The following SMAD3 variants were observed in gnomAD, a reference collection of about 807,000 sequenced individuals.
SMAD3 encodes MAD homolog 3.
In SMAD3, 12 loss-of-function variants were observed where a neutral mutation model predicts 51.8. The observed-to-expected ratio is 0.23, with a 90% CI of 0.15 to 0.38. The LOEUF (loss-of-function observed/expected upper bound fraction) is 0.38, where lower values mean the gene tolerates loss of function less well. SMAD3 is among the 10% of genes least tolerant of loss of function. SMAD3 has a pLI of 1.00. For synonymous variants in SMAD3, 238 were observed against 227.7 expected (o/e 1.05, Z -0.41); for missense variants, 294 against 565.6 (o/e 0.52, Z 4.87).
chr15:67,116,927 C>T (rs1961148080), intron 1 of SMAD3, among the ~76,000 whole-genome samples: 1 of 152,106 alleles, frequency 6.6e-6, no homozygotes, highest in South Asian at 2.1e-4. Context: ...CAGATAAATG[C>T]AATGTTTATC....
intron 1 of SMAD3, among the ~76,000 whole-genome samples, chr15:67,152,942 C>CA (rs373909251): frequency 8.5e-5 from 13 of 152,298 alleles, no homozygotes; most frequent in African/African-American, 2.9e-4. Context: ...GAGGGGCTCT[C>CA]ACCACAGCCA....
At chr15:67,155,487 A>G (rs749747467) in intron 1 of SMAD3, among the ~76,000 whole-genome samples, 16 of 152,346 alleles carry the variant, frequency 1.1e-4, no homozygotes, top group Non-Finnish European at 2.2e-4. Context: ...AGCAGCAGAA[A>G]GAGAGCTCTC....
intron 1 of SMAD3, among the ~76,000 whole-genome samples, chr15:67,149,100 A>G (rs1243302550): frequency 6.6e-6 from 1 of 152,206 alleles, no homozygotes; most frequent in Non-Finnish European, 1.5e-5. Context: ...CATTCTTAGC[A>G]GAGAGCCACA....
At chr15:67,107,965 T>TCCCCCCCCCCCCCCCCCCCCCCC (rs138958033) in intron 1 of SMAD3, among the ~76,000 whole-genome samples, 16 of 124,718 alleles carry the variant, frequency 1.3e-4, no homozygotes, top group Admixed American at 8.3e-4. Flanking sequence ...TGCTCTCCTC[T>TCCCCCCCCCCCCCCCCCCCCCCC]CCCCCCCACC....
intron 1 of SMAD3, among the ~76,000 whole-genome samples, chr15:67,124,567 C>T (rs999085919): frequency 2.6e-5 from 4 of 152,170 alleles, no homozygotes; most frequent in Admixed American, 2.6e-4. Flanking sequence ...TTTTGGTTGT[C>T]CTTTGGTGAA....
chr15:67,107,575 G>C (rs115729362), intron 1 of SMAD3, among the ~76,000 whole-genome samples: 1 of 152,144 alleles, frequency 6.6e-6, no homozygotes, highest in Non-Finnish European at 1.5e-5. Context: ...GGCTTCCCCC[G>C]GCCCTTCCCG....
chr15:67,153,783 GA>G (rs1962211656), intron 1 of SMAD3, among the ~76,000 whole-genome samples: 1 of 152,194 alleles, frequency 6.6e-6, no homozygotes, highest in Non-Finnish European at 1.5e-5. Context: ...CCAACGTTGA[GA>G]AACTCTGGGC....
chr15:67,086,369 A>G (rs1960394085), intron 1 of SMAD3, among the ~76,000 whole-genome samples: 2 of 152,184 alleles, frequency 1.3e-5, no homozygotes, highest in South Asian at 4.1e-4. Context: ...CTTGAAGGGA[A>G]TCAGTATCTA....
At chr15:67,182,995 AAAAAAAT>A (rs1446655390) in intron 6 of SMAD3, among the ~76,000 whole-genome samples, 12 of 57,422 alleles carry the variant, frequency 2.1e-4, no homozygotes, top group East Asian at 1.1e-3. Context: ...TTAAAAAAAA[AAAAAAAT>A]ATATATATAT....
At chr15:67,066,614 C>T (rs751764345) in intron 1 of SMAD3, among the ~76,000 whole-genome samples, 58 of 152,362 alleles carry the variant, frequency 3.8e-4, no homozygotes, top group Middle Eastern at 3.4e-3. Flanking sequence ...ACCTCACATT[C>T]CCTTTCCACC....
intron 1 of SMAD3, among the ~76,000 whole-genome samples, chr15:67,071,894 C>T (rs1301416192): frequency 1.3e-5 from 2 of 152,174 alleles, no homozygotes; most frequent in African/African-American, 4.8e-5. Context: ...GACCTAGCTT[C>T]TCATTTCTCT....
chr15:67,118,959 G>A (rs534886336), intron 1 of SMAD3, among the ~76,000 whole-genome samples: 29 of 152,296 alleles, frequency 1.9e-4, no homozygotes, highest in African/African-American at 6.3e-4. Flanking sequence ...AAACATTTAC[G>A]GAGCACCTAT....
At chr15:67,169,132 A>G (rs1962674088) in intron 4 of SMAD3, among the ~76,000 whole-genome samples, 1 of 152,184 alleles carries the variant, frequency 6.6e-6, no homozygotes, top group Non-Finnish European at 1.5e-5. Context: ...AGATGATATT[A>G]TCCTCATTTT....
chr15:67,151,251 C>T (rs534789496), intron 1 of SMAD3, among the ~76,000 whole-genome samples: 1 of 152,272 alleles, frequency 6.6e-6, no homozygotes, highest in African/African-American at 2.4e-5. Flanking sequence ...GTTTTCTTTT[C>T]TTTGGAGAAG....
intron 1 of SMAD3, among the ~76,000 whole-genome samples, chr15:67,125,042 A>G (rs1156232300): frequency 1.3e-5 from 2 of 152,224 alleles, no homozygotes; most frequent in Non-Finnish European, 2.9e-5. Context: ...CCACCCGACC[A>G]GCCAAATGGT....
intron 1 of SMAD3, among the ~76,000 whole-genome samples, chr15:67,088,364 A>G (rs1283826548): frequency 6.6e-6 from 1 of 152,174 alleles, no homozygotes; most frequent in African/African-American, 2.4e-5. Context: ...GAAGCCCACT[A>G]TAGAAACACT....
intron 5 of SMAD3, among the ~76,000 whole-genome samples, chr15:67,177,686 G>A (rs1320127713): frequency 2.0e-5 from 3 of 151,908 alleles, no homozygotes; most frequent in Non-Finnish European, 2.9e-5. Flanking sequence ...GCCTCCCAAA[G>A]TGCTTGGGAT....
chr15:67,143,687 A>G (rs535900876), intron 1 of SMAD3, among the ~76,000 whole-genome samples: 2 of 152,052 alleles, frequency 1.3e-5, no homozygotes, highest in East Asian at 3.9e-4. Context: ...ACCCACCTCG[A>G]CCTCCCAAAG....
chr15:67,073,759 C>T (rs944765882), intron 1 of SMAD3, among the ~76,000 whole-genome samples: 1 of 152,242 alleles, frequency 6.6e-6, no homozygotes, highest in African/African-American at 2.4e-5. Context: ...ACTGCAACCT[C>T]CGCTTCCCAG....
Sources: allele counts gnomAD v4.1 joint callset (sites outside exome capture counted in the v4.1 genomes callset), GRCh38; gene constraint gnomAD v4.1.1; transcripts MANE v1.5; gene names NCBI Gene and HGNC (gene_info 2026-07-23, HGNC 2026-07-21).